FAT4: variants seen among roughly 807,000 people sequenced by gnomAD.
The protein encoded by FAT4 is protocadherin Fat 4.
A neutral mutation model predicts 303.9 loss-of-function variants in FAT4; 84 were observed. The ratio of observed to expected loss-of-function variants is 0.28; its 90% CI spans 0.23 to 0.33. The LOEUF is 0.33. Ranked by LOEUF, FAT4 falls within the 10% of genes least tolerant of loss-of-function variation. FAT4 has a pLI of 1.00. For missense variants in FAT4, 6,005 were observed against 6,146.8 expected (o/e 0.98, Z 0.77); for synonymous variants, 2,307 against 2,298.8 (o/e 1.00, Z -0.10).
intron 7 of FAT4, among the ~76,000 whole-genome samples, chr4:125,432,874 C>G (rs1438920912): frequency 2.0e-5 from 3 of 152,054 alleles, no homozygotes; most frequent in African/African-American, 4.8e-5. Context: ...TTAATTGCAT[C>G]ATTTTCTGGG....
chr4:125,489,847 CTTTTTTTTTT>C, intron 17 of FAT4, 44 bp from the exon 18 acceptor site: 106 of 445,850 alleles, frequency 2.4e-4, no homozygotes, highest in Non-Finnish European at 2.9e-4. Context: ...AGTATAAGCT[CTTTTTTTTTT>C]TTTTTTTTTT....
intron 5 of FAT4, among the ~76,000 whole-genome samples, chr4:125,413,645 G>GA (rs11371204): frequency 0.99 from 150,350 of 151,766 alleles, 74,488 homozygotes; most frequent in East Asian, 1. Context: ...CTACATGGTA[G>GA]AAAAAAATCT....
chr4:125,489,802 T>C (rs1025961029), intron 17 of FAT4, 99 bp from the exon 18 acceptor site: 4 of 948,590 alleles, frequency 4.2e-6, no homozygotes, highest in Non-Finnish European at 3.1e-6. Flanking sequence ...TATGAGGTGA[T>C]TGTGGAGCTT....
Position 125,452,122 on chromosome 4 carries a change from T to A in FAT4, c.11112T>A (p.Ala3704=), listed in dbSNP as rs1726105852. 6.2e-7 allele frequency: 1 copy of A among 1,614,086 alleles called. No individual in the cohort carries two copies. Among genetic ancestry groups the A allele is most frequent in the Non-Finnish European group, 8.5e-7 (1 of 1,180,044 alleles). The part of the protein sequence containing the change: ...TVTSNIRVFF[A]GFSNATVDNS... ...CGAGCAACATCCGAGTTTTCTTTGC[T>A]GGATTTTCCAATGCCACAGTGGATA... Residue 3704 remains alanine (A), a synonymous_variant, in exon 10 of 18, where the codon GCT becomes GCA. Coordinates refer to ENST00000394329, the MANE Select transcript of FAT4 (RefSeq NM_001291303.3).
Position 125,451,499 on chromosome 4 carries a change from T to C in FAT4, c.10489T>C (p.Ser3497Pro). 1.2e-6 allele frequency: 2 copies of C among 1,614,120 alleles called. No homozygotes were observed. The highest frequency in any genetic ancestry group is 1.7e-6 in the Non-Finnish European group (2 of 1,180,006). Residue 3497 changes from serine (S) to proline (P), a missense_variant, in exon 10 of 18, where the codon TCT (serine) becomes CCT (proline). By Grantham distance (74) the Ser-to-Pro change is moderately conservative (BLOSUM62 -1). Coordinates refer to ENST00000394329, the MANE Select transcript of FAT4 (RefSeq NM_001291303.3). ...GACCCCCTCAGCTACAGGTAGTGCC[T>C]CTTTATTAGTCACCCTGGAAGATAT... Reference protein sequence around the residue: ...SGTPSATGSASLLVTLEDIND... With the variant: ...SGTPSATGSAPLLVTLEDIND...
intron 2 of FAT4, among the ~76,000 whole-genome samples, chr4:125,396,442 T>C (rs1240241033): frequency 6.6e-6 from 1 of 152,180 alleles, no homozygotes; most frequent in Non-Finnish European, 1.5e-5. Flanking sequence ...AGTGTGTGAC[T>C]CTGTTTCCTG....
chr4:125,487,495 A>G lies in FAT4; in HGVS notation c.12973A>G (p.Ile4325Val). The G allele has an allele frequency of 1.2e-6, 2 of 1,614,120 alleles. No individual in the cohort carries two copies. Among genetic ancestry groups the G allele is most frequent in the Non-Finnish European group, 1.7e-6 (2 of 1,179,966 alleles). Residue 4325 changes from isoleucine (I) to valine (V), a missense_variant, in exon 17 of 18, where the codon ATA becomes GTA. Coordinates refer to ENST00000394329, the MANE Select transcript of FAT4 (RefSeq NM_001291303.3). ...AGCAACAGTATTGTCTGTTGACAGA[A>G]TATATAACAGAGATATTATCCACCC... ...GTATVLSVDR[I>V]YNRDIIHPTQ... is the part of the protein sequence containing the mutation.
At chr4:125,371,062 C>A (rs570018909) in intron 2 of FAT4, among the ~76,000 whole-genome samples, 11 of 149,948 alleles carry the variant, frequency 7.3e-5, no homozygotes, top group Non-Finnish European at 5.9e-5. Context: ...GCAGGCAAAT[C>A]GCTTAAATCT....
At chr4:125,346,567 A>G (rs183750041) in intron 2 of FAT4, among the ~76,000 whole-genome samples, 5 of 152,172 alleles carry the variant, frequency 3.3e-5, no homozygotes, top group Non-Finnish European at 5.9e-5. Context: ...TTCAATGGCT[A>G]TAATTAAATC....
intron 2 of FAT4, among the ~76,000 whole-genome samples, chr4:125,337,654 T>C (rs11098806): frequency 0.51 from 77,534 of 151,816 alleles, 20,537 homozygotes; most frequent in Non-Finnish European, 0.59. Context: ...AAAACACTTA[T>C]GTAAACACAG....
rs1323969562 is a variant in FAT4 at position 125,319,765 on chromosome 4, T to A, written c.3354T>A (p.Phe1118Leu). 1 of 1,614,234 alleles carries A rather than the reference T, an allele frequency of 6.2e-7. No homozygotes were observed. The change falls in exon 2 of 18, where the codon TTT (phenylalanine) becomes TTA (leucine). Residue 1118 changes from phenylalanine to leucine, a missense_variant. Physicochemically the swap from Phe to Leu is conservative, Grantham distance 22 (BLOSUM62 0). Transcript: ENST00000394329. Reference sequence around the variant, plus strand: ...AAGAAGAGCAGAGGGCTGGGTCGTTTGTGGGCAAAGTAAGTGCTGTAGATA... The same window carrying A: ...AAGAAGAGCAGAGGGCTGGGTCGTTAGTGGGCAAAGTAAGTGCTGTAGATA... The part of the protein sequence containing the change: ...YFEEEQRAGS[F>L]VGKVSAVDKD...
chr4:125,328,410 T>C (rs1304704898), intron 2 of FAT4, among the ~76,000 whole-genome samples: 2 of 152,176 alleles, frequency 1.3e-5, no homozygotes, highest in African/African-American at 4.8e-5. Context: ...AATTTATATG[T>C]GGTAATTAAA....
chr4:125,375,656 C>T (rs557531181), intron 2 of FAT4, among the ~76,000 whole-genome samples: 2 of 152,190 alleles, frequency 1.3e-5, no homozygotes, highest in African/African-American at 4.8e-5. Context: ...ATCACAAACA[C>T]GTCTTTCATA....
intron 12 of FAT4, among the ~76,000 whole-genome samples, chr4:125,471,284 A>G (rs1726847244): frequency 6.6e-6 from 1 of 152,252 alleles, no homozygotes; most frequent in Admixed American, 6.5e-5. Flanking sequence ...AATTATTCAA[A>G]TGTGACTCAC....
chr4:125,433,579 A>G (rs1248769674), intron 7 of FAT4, among the ~76,000 whole-genome samples: 1 of 152,214 alleles, frequency 6.6e-6, no homozygotes, highest in Non-Finnish European at 1.5e-5. Flanking sequence ...TTCACCATAT[A>G]TTGATAGCAG....
intron 2 of FAT4, among the ~76,000 whole-genome samples, chr4:125,395,126 T>C (rs1734117244): frequency 1.3e-5 from 2 of 152,122 alleles, no homozygotes; most frequent in South Asian, 4.1e-4. Flanking sequence ...CACTTATCTA[T>C]GCTAATGAGT....
chr4:125,388,929 A>G (rs1001450157), intron 2 of FAT4, among the ~76,000 whole-genome samples: 1 of 152,198 alleles, frequency 6.6e-6, no homozygotes, highest in Non-Finnish European at 1.5e-5. Context: ...TTAGTAAGAA[A>G]TGCATCAAAA....
intron 2 of FAT4, among the ~76,000 whole-genome samples, chr4:125,329,396 C>T (rs1403976823): frequency 6.6e-6 from 1 of 152,200 alleles, no homozygotes; most frequent in African/African-American, 2.4e-5. Context: ...CCATTAAATG[C>T]TTTATTCGGT....
intron 2 of FAT4, among the ~76,000 whole-genome samples, chr4:125,387,482 TTTTG>T: frequency 6.6e-6 from 1 of 152,190 alleles, no homozygotes; most frequent in East Asian, 1.9e-4. Flanking sequence ...TTTGTTTTGT[TTTTG>T]TTTGTTTAAA....
Sources: allele counts gnomAD v4.1 joint callset (sites outside exome capture counted in the v4.1 genomes callset), GRCh38; gene constraint gnomAD v4.1.1; transcripts MANE v1.5; gene names NCBI Gene and HGNC (gene_info 2026-07-23, HGNC 2026-07-21).